Variants in CHODL observed in about 807,000 individuals in gnomAD.
The protein encoded by CHODL is chondrolectin, also known as transmembrane protein MT75.
Under a neutral mutation model 34.5 loss-of-function variants are expected in CHODL, and 29 were observed. That is an observed-to-expected ratio of 0.84 (90% confidence interval 0.63 to 1.15). CHODL has a LOEUF of 1.15. Among genes scored for constraint, CHODL ranks in the 50% most tolerant of loss-of-function variants. CHODL has a pLI of 0.00. For missense variants in CHODL, 332 were observed against 332.5 expected (o/e 1.00, Z 0.01); for synonymous variants, 125 against 116.1 (o/e 1.08, Z -0.49).
At chr21:17,941,100 T>C (rs1419556860) in intron 1 of CHODL, among the ~76,000 whole-genome samples, 2 of 152,160 alleles carry the variant, frequency 1.3e-5, no homozygotes, top group East Asian at 3.8e-4. Flanking sequence ...TATCTCTAAA[T>C]CTTTATGTGC....
At chr21:17,957,911 A>G (rs2063505027) in intron 1 of CHODL, among the ~76,000 whole-genome samples, 2 of 151,566 alleles carry the variant, frequency 1.3e-5, no homozygotes, top group East Asian at 3.9e-4. Context: ...AATACCCCTC[A>G]GAACTGGAAC....
intron 2 of CHODL, among the ~76,000 whole-genome samples, chr21:18,235,730 G>A (rs1008452098): frequency 1.3e-5 from 2 of 152,040 alleles, no homozygotes; most frequent in African/African-American, 2.4e-5. Context: ...ATTGAAAATA[G>A]CATTTGGTTG....
At chr21:18,035,716 C>A (rs964044033) in intron 2 of CHODL, among the ~76,000 whole-genome samples, 1 of 151,934 alleles carries the variant, frequency 6.6e-6, no homozygotes, top group Non-Finnish European at 1.5e-5. Context: ...TCTTCAAAAC[C>A]TAATCTGCTA....
chr21:18,183,184 G>GT (rs1346428869), intron 2 of CHODL, among the ~76,000 whole-genome samples: 11 of 152,078 alleles, frequency 7.2e-5, no homozygotes, highest in Non-Finnish European at 1.2e-4. Context: ...CTGTCATCAG[G>GT]TTTTTTGGGG....
intron 2 of CHODL, among the ~76,000 whole-genome samples, chr21:18,098,332 G>A (rs2065165632): frequency 1.3e-5 from 2 of 151,256 alleles, no homozygotes; most frequent in South Asian, 4.2e-4. Context: ...TTAATAACCA[G>A]AATATATAGG....
intron 1 of CHODL, among the ~76,000 whole-genome samples, chr21:17,927,177 T>G (rs2063235316): frequency 6.8e-6 from 1 of 147,302 alleles, no homozygotes; most frequent in South Asian, 2.1e-4. Context: ...TGTATATATG[T>G]ATATATATGT....
intron 1 of CHODL, among the ~76,000 whole-genome samples, chr21:17,921,495 A>C (rs2063183126): frequency 6.6e-6 from 1 of 152,196 alleles, no homozygotes; most frequent in Non-Finnish European, 1.5e-5. Context: ...GCTACTTGGC[A>C]GGTGAGAGGT....
At chr21:18,258,943 G>C (rs1488630316) in intron 3 of CHODL, among the ~76,000 whole-genome samples, 1 of 152,102 alleles carries the variant, frequency 6.6e-6, no homozygotes, top group African/African-American at 2.4e-5. Context: ...ACTAGGCATA[G>C]AGTGACTAAG....
At chr21:17,961,466 A>G (rs2063531971) in intron 1 of CHODL, among the ~76,000 whole-genome samples, 2 of 152,236 alleles carry the variant, frequency 1.3e-5, no homozygotes, top group East Asian at 1.9e-4. Context: ...TTCATTATTT[A>G]AAATCTTTTC....
intron 1 of CHODL, among the ~76,000 whole-genome samples, chr21:17,921,515 A>G (rs1015340477): frequency 1.3e-5 from 2 of 152,190 alleles, no homozygotes; most frequent in African/African-American, 4.8e-5. Flanking sequence ...TACAGTATCT[A>G]GAATAGGATG....
chr21:18,262,857 C>T lies in CHODL; in HGVS notation c.701C>T (p.Ala234Val). 1 of 1,609,982 alleles carries T rather than the reference C, an allele frequency of 6.2e-7. No individual in the cohort carries two copies. Among genetic ancestry groups the T allele is most frequent in the Non-Finnish European group, 8.5e-7 (1 of 1,176,754 alleles). The change falls in exon 5 of 6, where the codon GCT (alanine) becomes GTT (valine). Residue 234 changes from alanine to valine, a missense_variant. Physicochemically the swap from Ala to Val is moderately conservative, Grantham distance 64. Coordinates refer to ENST00000299295, the MANE Select transcript of CHODL (RefSeq NM_024944.3). ...TIPLLLLILV[A>V]FGTCCFQMLH... ...CCCCTGCTCTTACTGATACTGGTTG[C>T]TTTTGGAACCTGTTGTTTCCAGATG... is the stretch of plus-strand genomic sequence containing the variant.
At chr21:18,178,442 C>G (rs2073341747) in intron 2 of CHODL, among the ~76,000 whole-genome samples, 1 of 152,076 alleles carries the variant, frequency 6.6e-6, no homozygotes. Flanking sequence ...ATTGCTGGCC[C>G]CCCTTCCAGT....
chr21:18,232,933 TG>T (rs2146757617), intron 2 of CHODL, among the ~76,000 whole-genome samples: 1 of 102,636 alleles, frequency 9.7e-6, no homozygotes, highest in South Asian at 2.9e-4. Flanking sequence ...GGGGTCCACA[TG>T]ATGTTATGAT....
chr21:18,038,203 A>C (rs566720191), intron 2 of CHODL, among the ~76,000 whole-genome samples: 1 of 151,866 alleles, frequency 6.6e-6, no homozygotes, highest in East Asian at 1.9e-4. Flanking sequence ...ATTTTGAGGG[A>C]AGAAATTTGA....
chr21:18,145,987 G>T (rs1332384174), intron 2 of CHODL, among the ~76,000 whole-genome samples: 1 of 151,164 alleles, frequency 6.6e-6, no homozygotes, highest in East Asian at 1.9e-4. Context: ...GTTGTTTTTT[G>T]AGACGGAGTC....
chr21:17,981,107 A>G (rs1263483617), intron 1 of CHODL, among the ~76,000 whole-genome samples: 2 of 152,170 alleles, frequency 1.3e-5, no homozygotes, highest in African/African-American at 4.8e-5. Flanking sequence ...TGATGTCACT[A>G]TATTTAGCTA....
chr21:18,259,436 T>C (rs1334348552), intron 3 of CHODL, among the ~76,000 whole-genome samples: 1 of 152,196 alleles, frequency 6.6e-6, no homozygotes, highest in Admixed American at 6.5e-5. Flanking sequence ...ACTTAGGTGA[T>C]GGAATGATCT....
At position 18,256,505 on chromosome 21, in the gene CHODL, TCA is replaced by T. The variant is rs1601216235; in HGVS notation, c.80-3_80-2del. 2.5e-6 allele frequency: 4 copies of T among 1,575,768 alleles called. No individual in the cohort carries two copies. The highest frequency in any genetic ancestry group is 2.0e-5 in the Admixed American group (1 of 51,088). Reference sequence around the variant, plus strand: ...ATATATGGGCATCTTTTTTTTTTTTTCAGGCCAAAAGGTGTGTTTTGCTGACT... The same window carrying T: ...ATATATGGGCATCTTTTTTTTTTTTTGGCCAAAAGGTGTGTTTTGCTGACT... On this transcript the variant is annotated splice_acceptor_variant and splice_polypyrimidine_tract_variant and intron_variant, in intron 1 of 5. Coordinates refer to ENST00000299295, the MANE Select transcript of CHODL (RefSeq NM_024944.3). LOFTEE classifies it high-confidence loss of function.
Position 18,012,061 on chromosome 21 carries a change from A to G in CHODL, c.-144-15811A>G, listed in dbSNP as rs1276277744. On this transcript the variant is annotated intron_variant, in intron 1 of 6. Transcript: ENST00000400127. ...TTTAATCTGACAAGCCCATTTAACT[A>G]TTTGAAGTTTATGCATGTTGCATCC... 2.0e-5 allele frequency among the ~76,000 whole-genome samples: 3 copies of G among 152,352 alleles called. No homozygotes were observed. In the East Asian group the frequency reaches 5.8e-4, roughly 29 times the overall value.
Sources: gnomAD v4.1 joint callset for allele counts (sites outside exome capture counted in the v4.1 genomes callset) on GRCh38, gnomAD v4.1.1 for gene constraint, MANE v1.5 for transcripts, NCBI Gene and HGNC (gene_info 2026-07-23, HGNC 2026-07-21) for gene names.